The following KCNT2 variants were observed in gnomAD, a reference collection of about 807,000 sequenced individuals.
KCNT2 encodes potassium channel subfamily T member 2.
Under a neutral mutation model 153.8 loss-of-function variants are expected in KCNT2, and 67 were observed. The observed-to-expected ratio is 0.44, with a 90% CI of 0.36 to 0.53. The LOEUF (loss-of-function observed/expected upper bound fraction) is 0.53. Among genes scored for constraint, KCNT2 ranks in the 20% least tolerant of loss-of-function variants. The probability of loss-of-function intolerance (pLI) is 0.00; values close to 1 mark genes in which losing one functional copy is unlikely to be tolerated. For missense variants in KCNT2, 975 were observed against 1,354.8 expected (o/e 0.72, Z 4.40); for synonymous variants, 500 against 458.8 (o/e 1.09, Z -1.15).
intron 1 of KCNT2, among the ~76,000 whole-genome samples, chr1:196,520,205 C>A (rs910712686): frequency 3.9e-5 from 6 of 151,998 alleles, no homozygotes; most frequent in African/African-American, 1.4e-4. Flanking sequence ...AAGATAAAAA[C>A]CACATGATCA....
intron 14 of KCNT2, among the ~76,000 whole-genome samples, chr1:196,366,514 C>A (rs936922817): frequency 6.6e-6 from 1 of 152,056 alleles, no homozygotes; most frequent in African/African-American, 2.4e-5. Flanking sequence ...ATCTCAGAGT[C>A]TCTGCTTTTC....
chr1:196,299,229 C>A (rs1291277959), intron 22 of KCNT2, among the ~76,000 whole-genome samples: 1 of 151,884 alleles, frequency 6.6e-6, no homozygotes, highest in South Asian at 2.1e-4. Flanking sequence ...CTATTTAGCT[C>A]TTCTACTGTT....
At chr1:196,489,027 G>A (rs1451328411) in intron 3 of KCNT2, among the ~76,000 whole-genome samples, 2 of 151,900 alleles carry the variant, frequency 1.3e-5, no homozygotes, top group African/African-American at 4.8e-5. Flanking sequence ...TTTCCTGAAG[G>A]TCCTGGAGTC....
chr1:196,599,598 A>G (rs1664482752), intron 1 of KCNT2, among the ~76,000 whole-genome samples: 1 of 152,216 alleles, frequency 6.6e-6, no homozygotes, highest in Non-Finnish European at 1.5e-5. Flanking sequence ...AAGACTACTA[A>G]AGCACTGATT....
At chr1:196,257,459 G>C (rs1432733850) in intron 26 of KCNT2, 1 of 975,690 alleles carries the variant, frequency 1.0e-6, no homozygotes, top group Non-Finnish European at 1.2e-6. Flanking sequence ...GGTTTACCAT[G>C]TTACATATTT....
chr1:196,555,234 A>G (rs954046955), intron 1 of KCNT2, among the ~76,000 whole-genome samples: 1 of 151,320 alleles, frequency 6.6e-6, no homozygotes, highest in South Asian at 2.1e-4. Context: ...ATTTAGAATA[A>G]TATTACATTT....
chr1:196,330,686 T>G (rs1458046661), intron 18 of KCNT2, among the ~76,000 whole-genome samples: 3 of 152,026 alleles, frequency 2.0e-5, no homozygotes, highest in Non-Finnish European at 4.4e-5. Flanking sequence ...AGTAAAATTT[T>G]GAGAAAGGAA....
chr1:196,538,495 C>T (rs935388032), intron 1 of KCNT2, among the ~76,000 whole-genome samples: 4 of 152,096 alleles, frequency 2.6e-5, no homozygotes, highest in Non-Finnish European at 5.9e-5. Flanking sequence ...GGATGCAAGT[C>T]GTGGGTGTGA....
intron 5 of KCNT2, among the ~76,000 whole-genome samples, chr1:196,469,741 T>C (rs1053119645): frequency 1.3e-5 from 2 of 152,136 alleles, no homozygotes; most frequent in African/African-American, 4.8e-5. Flanking sequence ...CCTGATATTA[T>C]GCACAGAATA....
intron 1 of KCNT2, among the ~76,000 whole-genome samples, chr1:196,538,439 C>T (rs918403181): frequency 3.3e-5 from 5 of 152,142 alleles, no homozygotes; most frequent in Non-Finnish European, 7.3e-5. Context: ...GAATCATAGA[C>T]AGTTTTGACA....
chr1:196,255,193 C>G (rs1656363753), intron 26 of KCNT2, among the ~76,000 whole-genome samples: 1 of 151,624 alleles, frequency 6.6e-6, no homozygotes, highest in Non-Finnish European at 1.5e-5. Context: ...AAAAATTATT[C>G]ACATTTGCAA....
rs1436609989 is a variant in KCNT2 at position 196,410,760 on chromosome 1, G to A, written c.1186-12089C>T. On this transcript the variant is annotated intron_variant, in intron 12 of 27. Coordinates refer to ENST00000294725, the MANE Select transcript of KCNT2 (RefSeq NM_198503.5). ...TTCTTATTTTGTTGCTTGTACCTTG[G>A]TGTTATAACCAAGAAATCAATGCCA... 2.0e-5 allele frequency among the ~76,000 whole-genome samples: 3 copies of A among 149,254 alleles called. No individual in the cohort carries two copies. In the South Asian group the frequency reaches 6.3e-4, roughly 31 times the overall value.
chr1:196,351,209 A>G (rs1403056076), intron 14 of KCNT2, among the ~76,000 whole-genome samples: 2 of 152,104 alleles, frequency 1.3e-5, no homozygotes, highest in African/African-American at 4.8e-5. Context: ...TGCCATATGA[A>G]CTTTAAAGTA....
At chr1:196,496,913 A>G (rs1387649250) in intron 1 of KCNT2, among the ~76,000 whole-genome samples, 1 of 152,244 alleles carries the variant, frequency 6.6e-6, no homozygotes, top group African/African-American at 2.4e-5. Context: ...TGCAAACTGC[A>G]CACAGACAGT....
At chr1:196,347,934 C>A (rs1029755941) in intron 14 of KCNT2, among the ~76,000 whole-genome samples, 1 of 152,040 alleles carries the variant, frequency 6.6e-6, no homozygotes, top group African/African-American at 2.4e-5. Context: ...TTAATTAATT[C>A]TTAATATCTT....
chr1:196,561,706 A>AATGCTC (rs1387053607), intron 1 of KCNT2, among the ~76,000 whole-genome samples: 2 of 148,960 alleles, frequency 1.3e-5, no homozygotes, highest in Non-Finnish European at 3.0e-5. Flanking sequence ...GAAGAACAGA[A>AATGCTC]ATGCTCGTTA....
At chr1:196,349,453 G>T (rs937991902) in intron 14 of KCNT2, among the ~76,000 whole-genome samples, 6 of 152,022 alleles carry the variant, frequency 3.9e-5, no homozygotes, top group Non-Finnish European at 8.8e-5. Context: ...TGCCATCATT[G>T]TTTTCTATGA....
chr1:196,526,276 T>A (rs930878071), intron 1 of KCNT2, among the ~76,000 whole-genome samples: 6 of 151,284 alleles, frequency 4.0e-5, no homozygotes, highest in Non-Finnish European at 1.5e-5. Flanking sequence ...TACATACAAT[T>A]TCAATGCTTA....
At chr1:196,336,881 G>GTAGC (rs1038238954) in intron 16 of KCNT2, among the ~76,000 whole-genome samples, 5 of 152,146 alleles carry the variant, frequency 3.3e-5, no homozygotes, top group African/African-American at 1.2e-4. Flanking sequence ...TAGCCTGCCA[G>GTAGC]TAGCTCCTCT....
Sources: allele counts gnomAD v4.1 joint callset (sites outside exome capture counted in the v4.1 genomes callset), GRCh38; gene constraint gnomAD v4.1.1; transcripts MANE v1.5; gene names NCBI Gene and HGNC (gene_info 2026-07-23, HGNC 2026-07-21).